SATB1: variants seen among roughly 807,000 people sequenced by gnomAD.
SATB1 encodes the protein SATB homeobox 1, also known as DNA-binding protein SATB1.
SATB1 carries 11 observed loss-of-function variants against 86.9 expected under a neutral mutation model. The ratio of observed to expected loss-of-function variants is 0.13; its 90% CI spans 0.08 to 0.21. The LOEUF (loss-of-function observed/expected upper bound fraction) is 0.21, where lower values mean the gene tolerates loss of function less well. Ranked by LOEUF, SATB1 falls within the 10% of genes least tolerant of loss-of-function variation. SATB1 has a pLI of 1.00. For missense variants in SATB1, 551 were observed against 937.6 expected (o/e 0.59, Z 5.39); for synonymous variants, 357 against 357.2 (o/e 1.00, Z 0.01).
intron 2 of SATB1, among the ~76,000 whole-genome samples, chr3:18,418,236 C>T (rs34590859): frequency 0.15 from 23,361 of 152,120 alleles, 1,973 homozygotes; most frequent in East Asian, 0.23. Context: ...CTACCAACTT[C>T]TGAAGATGAC....
At chr3:18,417,820 G>A (rs1204267805) in intron 2 of SATB1, 1 of 565,716 alleles carries the variant, frequency 1.8e-6, no homozygotes, top group South Asian at 2.3e-5. Context: ...AGTAAATAAG[G>A]TAAAAATGAG....
intron 5 of SATB1, 41 bp downstream of exon 5, chr3:18,415,070 C>T (rs764878627): frequency 3.1e-6 from 5 of 1,607,788 alleles, no homozygotes; most frequent in Non-Finnish European, 4.3e-6. Flanking sequence ...ATCAGGGTTG[C>T]CCATGATGTC....
At chr3:18,365,095 G>A (rs1695117434) in intron 9 of SATB1, among the ~76,000 whole-genome samples, 2 of 152,136 alleles carry the variant, frequency 1.3e-5, no homozygotes, top group African/African-American at 4.8e-5. Context: ...TTCTGAATGA[G>A]ATTTCATTAA....
chr3:18,415,153 A>G lies in SATB1; in HGVS notation c.597T>C (p.Asp199=). 6.2e-7 allele frequency: 1 copy of G among 1,613,080 alleles called. No homozygotes were observed. The highest frequency in any genetic ancestry group is 1.7e-5 in the Admixed American group (1 of 59,914). Residue 199 remains aspartate, a synonymous_variant, in exon 5 of 11, where the codon GAT becomes GAC. Coordinates refer to ENST00000338745, the MANE Select transcript of SATB1 (RefSeq NM_002971.6). ...VRNALKDLLK[D]MNQSSLAKEC... ...CCTTGGCCAATGAACTCTGATTCAT[A>G]TCTTTCAGTAAGTCCTTCAGAGCAT...
chr3:18,445,571 T>C, exon 1 of SATB1: 1 of 976,718 alleles, frequency 1.0e-6, no homozygotes, highest in Non-Finnish European at 1.2e-6. Flanking sequence ...TGCGGCTTCC[T>C]CTTGTTGCTT....
chr3:18,393,979 T>C (rs1696821413), intron 7 of SATB1, among the ~76,000 whole-genome samples: 1 of 141,340 alleles, frequency 7.1e-6, no homozygotes, highest in Admixed American at 6.8e-5. Context: ...TCCAAGGTGT[T>C]AACAACAACA....
At position 18,435,918 on chromosome 3, in the gene SATB1, T is replaced by C. The variant is rs559576809; in HGVS notation, c.-25+871A>G. On this transcript the variant is annotated intron_variant, in intron 2 of 3. Transcript: ENST00000414509. ...GATAATGTAATAGGTCACACAGCAG[T>C]GCACCACTTAAGAAATTCTGTCTTT... Among the ~76,000 whole-genome samples the C allele has an allele frequency of 7.2e-5, 11 of 152,298 alleles. No homozygotes were observed. The South Asian group carries it at 2.3e-3, about 32-fold the overall frequency.
chr3:18,373,633 G>A (rs1695584583), intron 9 of SATB1, among the ~76,000 whole-genome samples: 3 of 152,024 alleles, frequency 2.0e-5, no homozygotes, highest in Admixed American at 6.6e-5. Flanking sequence ...TCAGAATGAC[G>A]TTTTCTTTCA....
chr3:18,369,697 T>C (rs1442579068), intron 9 of SATB1, among the ~76,000 whole-genome samples: 1 of 150,470 alleles, frequency 6.6e-6, no homozygotes, highest in Non-Finnish European at 1.5e-5. Context: ...CTGTGCCACA[T>C]TAGCTGTAAG....
chr3:18,411,665 G>C (rs2125150550), intron 5 of SATB1, among the ~76,000 whole-genome samples: 1 of 151,868 alleles, frequency 6.6e-6, no homozygotes, highest in South Asian at 2.1e-4. Context: ...AGTTCAGAAT[G>C]CACCATCCAA....
chr3:18,430,971 A>G (rs1559465359), intron 2 of SATB1, among the ~76,000 whole-genome samples: 4 of 152,182 alleles, frequency 2.6e-5, no homozygotes, highest in Admixed American at 2.0e-4. Context: ...AACCGACAGG[A>G]TATCTGGGCC....
In SATB1 at chr3:18,394,034, A is replaced by G. The variant is rs1252263510; in HGVS notation, c.1206+428T>C. 6.6e-6 allele frequency among the ~76,000 whole-genome samples: 1 copy of G among 152,220 alleles called. No individual in the cohort carries two copies. Among genetic ancestry groups the G allele is most frequent in the Non-Finnish European group, 1.5e-5 (1 of 68,042 alleles). On this transcript the variant is annotated intron_variant, in intron 7 of 10. Coordinates refer to ENST00000338745, the MANE Select transcript of SATB1 (RefSeq NM_002971.6). The surrounding 1 kb of genome is among the most constrained non-coding windows in gnomAD (Gnocchi z 5.9). ...ACGCTGCAGTAGAACTTTAAGAGGG[A>G]ACATTTATATACCTAAGTTTGATAT...
chr3:18,416,001 A>C lies in SATB1; in HGVS notation c.515+6T>G. ...GTTTCACCCTAGATTTGCTGTCTTG[A>C]CTCACCTGTGTAACTGAATTTTCAA... On this transcript the variant is annotated splice_donor_region_variant and intron_variant, in intron 4 of 10. Coordinates refer to ENST00000338745, the MANE Select transcript of SATB1 (RefSeq NM_002971.6). 3 of 1,591,488 alleles carry C rather than the reference A, an allele frequency of 1.9e-6. No individual in the cohort carries two copies. The highest frequency in any genetic ancestry group is 2.6e-6 in the Non-Finnish European group (3 of 1,165,674).
rs569366015 is a variant in SATB1 at position 18,394,850 on chromosome 3, G to A, written c.818C>T (p.Pro273Leu). The change falls in exon 7 of 11, where the codon CCA (proline) becomes CTA (leucine). Residue 273 changes from proline to leucine, a missense_variant. Pro to Leu is a moderately conservative substitution (Grantham distance 98). Around this residue, in one of 8 missense-constraint regions of SATB1, gnomAD observed 119 missense variants for 171.1 expected, o/e 0.70. Transcript: ENST00000338745. This position sits in a 1 kb window ranked among gnomAD's most constrained non-coding sequence, Gnocchi z 5.9. ...GANHVNFGQQPVPGNTAEQPP... is the reference protein window; with the variant it reads ...GANHVNFGQQLVPGNTAEQPP... ...CTGCTCGGCTGTGTTCCCTGGAACT[G>A]GTTGCTGGCCAAAATTGACATGATT... is the stretch of plus-strand genomic sequence containing the variant. The A allele has an allele frequency of 1.2e-6, 2 of 1,613,644 alleles. No homozygotes were observed. The highest frequency in any genetic ancestry group is 1.1e-5 in the South Asian group (1 of 91,042).
chr3:18,375,602 GTTTT>G (rs1487433200), intron 9 of SATB1, among the ~76,000 whole-genome samples: 1 of 151,642 alleles, frequency 6.6e-6, no homozygotes, highest in South Asian at 2.1e-4. Flanking sequence ...GATTTGAAGG[GTTTT>G]TTTGTTGTTG....
rs1227464339 is a variant in SATB1 at position 18,348,350 on chromosome 3, T to C, written c.*820A>G. 6.6e-6 allele frequency: 1 copy of C among 152,632 alleles called. No homozygotes were observed. The highest frequency in any genetic ancestry group is 6.5e-5 in the Admixed American group (1 of 15,292). The allele number at this position is 152,632 out of a possible 1,614,324, so 9.5% of individuals were successfully genotyped here. On this transcript the variant is annotated 3_prime_UTR_variant, in exon 11 of 11. Transcript: ENST00000338745. ...AACTGTGTAAAGCACATTTTCTCTA[T>C]TTAAAACTTTTAAGACACTTTGTTT...
chr3:18,416,681 G>A (rs1698128469), intron 3 of SATB1, among the ~76,000 whole-genome samples: 1 of 151,958 alleles, frequency 6.6e-6, no homozygotes, highest in Non-Finnish European at 1.5e-5. Flanking sequence ...TGATTCAGCT[G>A]AAGTAATTTA....
rs562687983 is a variant in SATB1 at position 18,351,344 on chromosome 3, G to A, written c.1779+648C>T. On this transcript the variant is annotated intron_variant, in intron 10 of 10. Coordinates refer to ENST00000338745, the MANE Select transcript of SATB1 (RefSeq NM_002971.6). The stretch of plus-strand genomic sequence containing the variant: ...AGCAGCACCGAGCCATGGTGCAGGG[G>A]TCGGCAGGCCTGGTAAGAAAACGCC... 99 of 1,553,502 alleles carry A rather than the reference G, an allele frequency of 6.4e-5. No homozygotes were observed. In the African/African-American group the frequency reaches 1.0e-3, roughly 16 times the overall value.
chr3:18,399,121 G>A (rs1575141587), intron 5 of SATB1, among the ~76,000 whole-genome samples: 1 of 152,140 alleles, frequency 6.6e-6, no homozygotes, highest in African/African-American at 2.4e-5. Context: ...TAATACACAT[G>A]AGTTCTAGAT....
Sources: gnomAD v4.1 joint callset for allele counts (sites outside exome capture counted in the v4.1 genomes callset) on GRCh38, gnomAD v4.1.1 for gene constraint, gnomAD v4.1.1 regional missense constraint, Gnocchi (gnomAD v3.1) non-coding constraint, MANE v1.5 for transcripts, NCBI Gene and HGNC (gene_info 2026-07-23, HGNC 2026-07-21) for gene names.